BTBD9: variants seen among roughly 807,000 people sequenced by gnomAD.
BTBD9 encodes BTB domain containing 9.
In BTBD9, 49 loss-of-function variants were observed where a neutral mutation model predicts 64.3. That is an observed-to-expected ratio of 0.76 (90% CI 0.61 to 0.97). The LOEUF (loss-of-function observed/expected upper bound fraction) is 0.97, where lower values mean the gene tolerates loss of function less well. BTBD9 is among the 50% of genes least tolerant of loss of function. The pLI, the probability that BTBD9 is intolerant of heterozygous loss-of-function variation, is 0.00. For synonymous variants in BTBD9, 260 were observed against 274.7 expected, an observed-to-expected ratio of 0.95 and a Z score of 0.53; for missense variants, 598 against 762.1, an observed-to-expected ratio of 0.78 and a Z score of 2.53.
intron 6 of BTBD9, among the ~76,000 whole-genome samples, chr6:38,426,736 G>A (rs1470595674): frequency 4.6e-5 from 7 of 151,786 alleles, no homozygotes; most frequent in Non-Finnish European, 5.9e-5. Context: ...GTTCTCTTCC[G>A]TGACCCACAG....
chr6:38,400,434 C>T (rs1178431084), intron 6 of BTBD9, among the ~76,000 whole-genome samples: 1 of 152,142 alleles, frequency 6.6e-6, no homozygotes, highest in Non-Finnish European at 1.5e-5. Flanking sequence ...ACTCAATGTC[C>T]TCTAAGGGCC....
At chr6:38,320,107 C>G (rs960222658) in intron 7 of BTBD9, among the ~76,000 whole-genome samples, 1 of 152,226 alleles carries the variant, frequency 6.6e-6, no homozygotes, top group Non-Finnish European at 1.5e-5. Flanking sequence ...CCCCCTCCCC[C>G]AAATGCACGG....
intron 6 of BTBD9, among the ~76,000 whole-genome samples, chr6:38,405,142 A>C (rs1480760689): frequency 1.3e-5 from 2 of 152,236 alleles, no homozygotes; most frequent in East Asian, 3.8e-4. Context: ...CTAGGAATGT[A>C]CCATGATCTC....
At chr6:38,368,066 C>T (rs189114988) in intron 6 of BTBD9, among the ~76,000 whole-genome samples, 50 of 152,242 alleles carry the variant, frequency 3.3e-4, no homozygotes, top group Admixed American at 2.0e-3. Flanking sequence ...CAGAAGAGAA[C>T]CCAGTGCACC....
intron 6 of BTBD9, among the ~76,000 whole-genome samples, chr6:38,486,043 C>T (rs1771390889): frequency 6.6e-6 from 1 of 152,190 alleles, no homozygotes; most frequent in Non-Finnish European, 1.5e-5. Flanking sequence ...ATGGAGATGG[C>T]TTCTGTTCTT....
In BTBD9 at chr6:38,432,511, G is replaced by C. The variant is rs747746085; in HGVS notation, c.1155-87418C>G. Among the ~76,000 whole-genome samples the C allele has an allele frequency of 8.6e-5, 13 of 151,936 alleles. 1 individual carries two copies. Among genetic ancestry groups the C allele is most frequent in the African/African-American group, 3.2e-4 (13 of 41,220 alleles). ...GGTCCTGAATTCTGCTAAAATGTAG[G>C]CATAGTTTCCATAATCCCCTTACTG... On this transcript the variant is annotated intron_variant, in intron 6 of 10. Transcript: ENST00000481247.
chr6:38,481,532 A>G (rs1480793379), intron 6 of BTBD9, among the ~76,000 whole-genome samples: 3 of 152,078 alleles, frequency 2.0e-5, no homozygotes, highest in African/African-American at 7.2e-5. Flanking sequence ...TCTGCTCACG[A>G]CCTCTTTTCA....
chr6:38,384,564 T>C (rs774888411), intron 6 of BTBD9, among the ~76,000 whole-genome samples: 2 of 152,156 alleles, frequency 1.3e-5, no homozygotes, highest in Non-Finnish European at 2.9e-5. Context: ...CACTGTGAAA[T>C]ATATATTAGA....
At chr6:38,420,616 G>A (rs1414825186) in intron 6 of BTBD9, among the ~76,000 whole-genome samples, 1 of 152,118 alleles carries the variant, frequency 6.6e-6, no homozygotes, top group Non-Finnish European at 1.5e-5. Context: ...CCAGCACTTT[G>A]GGAAGCTGAG....
At chr6:38,460,432 T>G (rs1298949411) in intron 6 of BTBD9, among the ~76,000 whole-genome samples, 1 of 152,206 alleles carries the variant, frequency 6.6e-6, no homozygotes, top group South Asian at 2.1e-4. Context: ...CACACCGCAG[T>G]TGCGTATTTA....
chr6:38,444,033 C>A (rs901442568), intron 6 of BTBD9, among the ~76,000 whole-genome samples: 1 of 152,204 alleles, frequency 6.6e-6, no homozygotes, highest in Non-Finnish European at 1.5e-5. Context: ...TCTTAACAGG[C>A]TTCTCCCAGT....
chr6:38,497,231 A>C (rs1771998295), intron 6 of BTBD9, among the ~76,000 whole-genome samples: 1 of 152,210 alleles, frequency 6.6e-6, no homozygotes, highest in Non-Finnish European at 1.5e-5. Flanking sequence ...TGTACCAAAT[A>C]AAAACAGTGT....
chr6:38,238,016 G>A (rs1438629819), intron 9 of BTBD9, among the ~76,000 whole-genome samples: 1 of 152,202 alleles, frequency 6.6e-6, no homozygotes, highest in Non-Finnish European at 1.5e-5. Flanking sequence ...GTGGTGGCAT[G>A]TGCCTATAGT....
At chr6:38,318,690 C>T (rs547214957) in intron 7 of BTBD9, among the ~76,000 whole-genome samples, 2 of 152,338 alleles carry the variant, frequency 1.3e-5, no homozygotes, top group East Asian at 1.9e-4. Flanking sequence ...GTGGCCACCA[C>T]TATTGGGGCT....
chr6:38,606,059 C>T lies in BTBD9; in HGVS notation c.-27-7938G>A, dbSNP rs563830414. 3.3e-5 allele frequency among the ~76,000 whole-genome samples: 5 copies of T among 152,312 alleles called. No individual in the cohort carries two copies. In the South Asian group the frequency reaches 1.0e-3, roughly 32 times the overall value. On this transcript the variant is annotated intron_variant, in intron 1 of 10. Transcript: ENST00000481247. The stretch of plus-strand genomic sequence containing the variant: ...TTTCTCCCATGCTGGATGCTTCCTG[C>T]CTTCGAACATCAGACCCCAAGTTCT...
At chr6:38,505,863 G>T (rs1257285277) in intron 6 of BTBD9, among the ~76,000 whole-genome samples, 3 of 148,478 alleles carry the variant, frequency 2.0e-5, no homozygotes, top group African/African-American at 4.9e-5. Context: ...TACTCAGGAG[G>T]CTGAGGCGGA....
At chr6:38,599,292 G>C (rs947503231) in intron 1 of BTBD9, among the ~76,000 whole-genome samples, 1 of 151,996 alleles carries the variant, frequency 6.6e-6, no homozygotes, top group African/African-American at 2.4e-5. Context: ...GTACTTGCAG[G>C]TACTTAAAAA....
chr6:38,516,286 TA>T (rs200916905), intron 6 of BTBD9, among the ~76,000 whole-genome samples: 265 of 146,050 alleles, frequency 1.8e-3, no homozygotes, highest in African/African-American at 3.1e-3. Flanking sequence ...TCCATGAATT[TA>T]AAAAAAAAAA....
At chr6:38,586,656 C>CTTCAAA (rs1776542322) in intron 4 of BTBD9, among the ~76,000 whole-genome samples, 2 of 152,202 alleles carry the variant, frequency 1.3e-5, no homozygotes, top group Non-Finnish European at 2.9e-5. Flanking sequence ...TCAAAATAAA[C>CTTCAAA]AGACCTATCT....
Sources: gnomAD v4.1 joint callset for allele counts (sites outside exome capture counted in the v4.1 genomes callset) on GRCh38, gnomAD v4.1.1 for gene constraint, MANE v1.5 for transcripts, NCBI Gene and HGNC (gene_info 2026-07-23, HGNC 2026-07-21) for gene names.